BAIAP3: variants seen among roughly 807,000 people sequenced by gnomAD.
BAIAP3 encodes BAI1-associated protein 3.
BAIAP3 carries 180 observed loss-of-function variants against 149.7 expected under a neutral mutation model. That is an observed-to-expected ratio of 1.20 (90% CI 1.07 to 1.36). BAIAP3 has a LOEUF of 1.36. Ranked by LOEUF, BAIAP3 falls within the 40% of genes most tolerant of loss-of-function variation. The pLI, the probability that BAIAP3 is intolerant of heterozygous loss-of-function variation, is 0.00. For missense variants in BAIAP3, 1,767 were observed against 1,563.4 expected, an observed-to-expected ratio of 1.13 and a Z score of -2.20; for synonymous variants, 845 against 670.7, an observed-to-expected ratio of 1.26 and a Z score of -4.02.
intron 1 of BAIAP3, among the ~76,000 whole-genome samples, chr16:1,335,206 T>C (rs1036112383): frequency 1.3e-5 from 2 of 152,142 alleles, no homozygotes; most frequent in African/African-American, 4.8e-5. Context: ...CCTTGCAAAA[T>C]GTCATTCCCC....
At chr16:1,335,959 G>A (rs1426264335) in intron 1 of BAIAP3, among the ~76,000 whole-genome samples, 1 of 152,192 alleles carries the variant, frequency 6.6e-6, no homozygotes, top group Non-Finnish European at 1.5e-5. Context: ...CACCCCTCTC[G>A]GGCCGCTCTG....
intron 17 of BAIAP3, 31 bp from the exon 18 acceptor site, chr16:1,344,438 C>T: frequency 6.2e-7 from 1 of 1,613,150 alleles, no homozygotes; most frequent in Non-Finnish European, 8.5e-7. Context: ...CCCTGCAATC[C>T]ACCATGCTGT....
At chr16:1,343,155 C>A in intron 14 of BAIAP3, 139 bp downstream of exon 14, 1 of 1,106,548 alleles carries the variant, frequency 9.0e-7, no homozygotes, top group Non-Finnish European at 1.3e-6. Flanking sequence ...GGTGGGGCTG[C>A]GCTGATTGGG....
chr16:1,341,812 C>G lies in BAIAP3; in HGVS notation c.732-10C>G. On this transcript the variant is annotated splice_polypyrimidine_tract_variant and intron_variant, in intron 8 of 33. Coordinates refer to ENST00000426824, the MANE Select transcript of BAIAP3 (RefSeq NM_001199097.2). ...GGGGACCCTCATGGGCATCTCTGTT[C>G]TCCTTGTAGCGAGATTGAGGATGTG... The G allele has an allele frequency of 1.9e-6, 3 of 1,612,018 alleles. 1 individual carries two copies. The South Asian group carries it at 3.3e-5, about 18-fold the overall frequency.
intron 28 of BAIAP3, 167 bp downstream of exon 28, chr16:1,347,122 A>G: frequency 2.3e-6 from 2 of 875,316 alleles, no homozygotes; most frequent in Non-Finnish European, 3.5e-6. Flanking sequence ...GCCTCTGGTG[A>G]TGGCCTTTCC....
intron 14 of BAIAP3, 53 bp from the exon 15 acceptor site, chr16:1,343,340 G>A: frequency 2.6e-6 from 4 of 1,559,738 alleles, no homozygotes; most frequent in Non-Finnish European, 3.5e-6. Flanking sequence ...GGTGCTGAGT[G>A]GGCATGGCAG....
At chr16:1,335,175 T>A (rs1249289942) in intron 1 of BAIAP3, among the ~76,000 whole-genome samples, 3 of 152,210 alleles carry the variant, frequency 2.0e-5, no homozygotes, top group Non-Finnish European at 4.4e-5. Context: ...CCCTGGGCTG[T>A]GAAATGAGAT....
At position 1,344,022 on chromosome 16, in the gene BAIAP3, G is replaced by A. The variant is rs766594450; in HGVS notation, c.1387G>A (p.Glu463Lys). The A allele has an allele frequency of 1.9e-6, 3 of 1,612,056 alleles. No individual in the cohort carries two copies. Among genetic ancestry groups the A allele is most frequent in the African/African-American group, 2.7e-5 (2 of 74,932 alleles). ...EEAPSLPQEQ[E>K]ESLADSLSAF... The stretch of plus-strand genomic sequence containing the variant: ...GCACTGAAGGGCCCTGTCCCCACAG[G>A]AGGAGAGCCTGGCTGATAGCCTTTC... Residue 463 changes from glutamate (E) to lysine (K), a missense_variant and splice_region_variant, in exon 16 of 34, where the codon GAG becomes AAG. Physicochemically the swap from Glu to Lys is moderately conservative, Grantham distance 56 (BLOSUM62 1). Coordinates refer to ENST00000426824, the MANE Select transcript of BAIAP3 (RefSeq NM_001199097.2).
rs72779209 is a variant in BAIAP3 at position 1,338,097 on chromosome 16, C to T, written c.-10-443C>T. 1.8e-3 allele frequency among the ~76,000 whole-genome samples: 278 copies of T among 152,244 alleles called. 1 individual carries two copies. The highest frequency in any genetic ancestry group is 4.4e-3 in the Admixed American group (68 of 15,298). ...ATCCGTCCTGGCCCCAGAGTCGGCA[C>T]GGGGGCTGGGGGAGCTGAGTGCTGT... On this transcript the variant is annotated intron_variant, in intron 1 of 33. Transcript: ENST00000426824.
At chr16:1,341,027 C>A (rs955562059) in intron 6 of BAIAP3, 46 bp downstream of exon 6, 2 of 1,609,578 alleles carry the variant, frequency 1.2e-6, no homozygotes, top group Non-Finnish European at 1.7e-6. Flanking sequence ...CACGTGCCTG[C>A]GTGGCGGGGG....
chr16:1,347,894 G>T lies in BAIAP3; in HGVS notation c.3026G>T (p.Gly1009Val). ...AADLLPLDAN[G>V]LSDPFVIVEL... ...GGGGCTCACGACTGTGCTCCTGCAGGCTTAAGTGACCCCTTTGTGATCGTG... is the reference window on the plus strand; with the variant it reads ...GGGGCTCACGACTGTGCTCCTGCAGTCTTAAGTGACCCCTTTGTGATCGTG... Residue 1009 changes from glycine to valine, a missense_variant and splice_region_variant, in exon 32 of 34, where the codon GGC becomes GTC. By Grantham distance (109) the Gly-to-Val change is moderately radical. Coordinates refer to ENST00000426824, the MANE Select transcript of BAIAP3 (RefSeq NM_001199097.2). The T allele has an allele frequency of 6.2e-7, 1 of 1,611,554 alleles. No individual in the cohort carries two copies. The highest frequency in any genetic ancestry group is 8.5e-7 in the Non-Finnish European group (1 of 1,179,866).
At chr16:1,338,101 G>A (rs1047905544) in intron 1 of BAIAP3, among the ~76,000 whole-genome samples, 1 of 152,178 alleles carries the variant, frequency 6.6e-6, no homozygotes, top group Non-Finnish European at 1.5e-5. Context: ...TCGGCACGGG[G>A]GCTGGGGGAG....
intron 28 of BAIAP3, 115 bp from the exon 29 acceptor site, chr16:1,347,183 T>A: frequency 8.9e-7 from 1 of 1,119,280 alleles, no homozygotes; most frequent in Non-Finnish European, 1.3e-6. Flanking sequence ...GAAAGGGCTC[T>A]GCCCTTGGCT....
chr16:1,341,228 C>T (rs752977035), intron 7 of BAIAP3, 33 bp downstream of exon 7: 27 of 1,607,248 alleles, frequency 1.7e-5, no homozygotes, highest in Middle Eastern at 1.6e-4. Flanking sequence ...TCGGCTGCGC[C>T]GAGGCCTGGC....
intron 1 of BAIAP3, among the ~76,000 whole-genome samples, chr16:1,336,971 G>C (rs1342350489): frequency 6.6e-6 from 1 of 152,170 alleles, no homozygotes. Context: ...GGCCGGCAAG[G>C]CTGGGACAGG....
In BAIAP3 at chr16:1,342,001, T is replaced by C. The variant is rs767677488; in HGVS notation, c.792T>C (p.Asp264=). 19 of 1,602,328 alleles carry C rather than the reference T, an allele frequency of 1.2e-5. No individual in the cohort carries two copies. In the East Asian group the frequency reaches 3.8e-4, roughly 32 times the overall value. Reference sequence around the variant, plus strand: ...TCCCCACCAGGGATCATGACGACGATGTATCCCTGGTAGAAGCGTGCAGGA... The same window carrying C: ...TCCCCACCAGGGATCATGACGACGACGTATCCCTGGTAGAAGCGTGCAGGA... ...LHLDIWDHDD[D]VSLVEACRKL... Residue 264 remains aspartate (D), a synonymous_variant, in exon 10 of 34, where the codon GAT becomes GAC. Transcript: ENST00000426824.
chr16:1,341,557 G>T, intron 8 of BAIAP3, 68 bp downstream of exon 8: 1 of 1,530,386 alleles, frequency 6.5e-7, no homozygotes. Context: ...GGCTGTGCCT[G>T]GAGGGTGGTG....
In BAIAP3 at chr16:1,348,406, G is replaced by A. The variant is rs746622792; in HGVS notation, c.3383G>A (p.Gly1128Asp). The stretch of plus-strand genomic sequence containing the variant: ...AGATCTGCGCTGAGGAGGCTGGAAG[G>A]CCGCACCAGCAAGGAGGCGCAGGAG... The part of the protein sequence containing the change: ...QVRSALRRLE[G>D]RTSKEAQEFV... Residue 1128 changes from glycine (G) to aspartate (D), a missense_variant, in exon 34 of 34, where the codon GGC becomes GAC. By Grantham distance (94) the Gly-to-Asp change is moderately conservative. Transcript: ENST00000426824. The A allele has an allele frequency of 1.2e-6, 2 of 1,612,690 alleles. No individual in the cohort carries two copies.
chr16:1,339,242 G>T lies in BAIAP3; in HGVS notation c.298G>T (p.Glu100Ter). ...SLGLRALAPE[E>*]VEMLYEEALY... is the part of the protein sequence containing the mutation. ...CGGCCTGAGAGCCCTGGCCCCAGAG[G>T]AGGTAAAGGTGGGGGTCGGAACCAG... The change falls in exon 4 of 34, where the codon GAG (glutamate) becomes TAG (stop). Residue 100 changes from glutamate to a stop codon, truncating the protein, a stop_gained and splice_region_variant. Coordinates refer to ENST00000426824, the MANE Select transcript of BAIAP3 (RefSeq NM_001199097.2). LOFTEE classifies it high-confidence loss of function. The T allele has an allele frequency of 6.4e-7, 1 of 1,562,768 alleles. No individual in the cohort carries two copies. The highest frequency in any genetic ancestry group is 8.7e-7 in the Non-Finnish European group (1 of 1,155,696).
Sources: gnomAD v4.1 joint callset for allele counts (sites outside exome capture counted in the v4.1 genomes callset) on GRCh38, gnomAD v4.1.1 for gene constraint, MANE v1.5 for transcripts, NCBI Gene and HGNC (gene_info 2026-07-23, HGNC 2026-07-21) for gene names.